NIM1K: variants seen among roughly 807,000 people sequenced by gnomAD.
The protein encoded by NIM1K is serine/threonine-protein kinase NIM1.
A neutral mutation model predicts 37.1 loss-of-function variants in NIM1K; 35 were observed. That is an observed-to-expected ratio of 0.94 (90% CI 0.72 to 1.25). The LOEUF is 1.25. Among genes scored for constraint, NIM1K ranks in the 50% most tolerant of loss-of-function variants. The pLI, the probability that NIM1K is intolerant of heterozygous loss-of-function variation, is 0.00. For missense variants in NIM1K, 564 were observed against 548.0 expected, an observed-to-expected ratio of 1.03 and a Z score of -0.29; for synonymous variants, 234 against 206.6, an observed-to-expected ratio of 1.13 and a Z score of -1.14.
At chr5:43,237,231 G>A (rs1025591715) in intron 1 of NIM1K, among the ~76,000 whole-genome samples, 1 of 152,174 alleles carries the variant, frequency 6.6e-6, no homozygotes, top group East Asian at 1.9e-4. Flanking sequence ...AGAGAACAAA[G>A]GTGAGATGGT....
intron 2 of NIM1K, among the ~76,000 whole-genome samples, chr5:43,250,230 AG>A (rs1752848930): frequency 1.3e-5 from 2 of 150,902 alleles, no homozygotes; most frequent in Admixed American, 1.3e-4. Context: ...CATTAAATAT[AG>A]ATTTTTAAAA....
chr5:43,223,080 A>C (rs1752404163), intron 1 of NIM1K, among the ~76,000 whole-genome samples: 1 of 148,526 alleles, frequency 6.7e-6, no homozygotes. Context: ...CAGAGGTTGC[A>C]GTGAACCGAG....
intron 2 of NIM1K, among the ~76,000 whole-genome samples, chr5:43,261,348 C>T (rs1356243891): frequency 4.6e-5 from 7 of 152,310 alleles, no homozygotes; most frequent in Admixed American, 4.6e-4. Context: ...TTGCATTTCT[C>T]TGATGGCCAG....
chr5:43,276,872 C>T (rs1753349031), intron 2 of NIM1K, among the ~76,000 whole-genome samples, 185 bp from the exon 3 acceptor site: 1 of 152,148 alleles, frequency 6.6e-6, no homozygotes, highest in African/African-American at 2.4e-5. Context: ...GGAAGACTCA[C>T]ACCGATCCAA....
intron 1 of NIM1K, among the ~76,000 whole-genome samples, chr5:43,211,954 C>T (rs1752210517): frequency 6.6e-6 from 1 of 152,164 alleles, no homozygotes; most frequent in African/African-American, 2.4e-5. Context: ...ACACATGCAA[C>T]TCAAAATTCA....
At chr5:43,248,569 T>C (rs1752819240) in intron 2 of NIM1K, among the ~76,000 whole-genome samples, 1 of 151,358 alleles carries the variant, frequency 6.6e-6, no homozygotes, top group Non-Finnish European at 1.5e-5. Flanking sequence ...ATCTGGAGGA[T>C]TGGTGTGTTA....
At chr5:43,264,955 C>T (rs545387251) in intron 2 of NIM1K, among the ~76,000 whole-genome samples, 2 of 152,320 alleles carry the variant, frequency 1.3e-5, no homozygotes, top group East Asian at 1.9e-4. Flanking sequence ...CCCCCACTCT[C>T]TTCTGGCTTG....
At chr5:43,213,425 G>A (rs372170848) in intron 1 of NIM1K, among the ~76,000 whole-genome samples, 12 of 151,562 alleles carry the variant, frequency 7.9e-5, no homozygotes, top group African/African-American at 2.9e-4. Flanking sequence ...CACCTCCCAG[G>A]TTCAAGTGAT....
chr5:43,275,108 T>C (rs935237080), intron 2 of NIM1K, among the ~76,000 whole-genome samples: 2 of 152,340 alleles, frequency 1.3e-5, no homozygotes, highest in Middle Eastern at 3.4e-3. Context: ...AAAACTAAAT[T>C]GAAAGGAAAA....
chr5:43,272,156 A>C (rs942478617), intron 2 of NIM1K, among the ~76,000 whole-genome samples: 1 of 152,216 alleles, frequency 6.6e-6, no homozygotes, highest in African/African-American at 2.4e-5. Context: ...CTTTATTGAC[A>C]AAGGAAGCCA....
chr5:43,203,745 G>T (rs920067946), intron 1 of NIM1K, among the ~76,000 whole-genome samples: 10 of 152,132 alleles, frequency 6.6e-5, no homozygotes, highest in South Asian at 2.1e-4. Context: ...CCCTCCTTTG[G>T]CTGGGCACAG....
intron 1 of NIM1K, among the ~76,000 whole-genome samples, chr5:43,230,235 T>C (rs147361217): frequency 2.6e-4 from 40 of 152,146 alleles, no homozygotes; most frequent in African/African-American, 9.2e-4. Flanking sequence ...GGTGACTGTG[T>C]AGTGATGGGT....
chr5:43,277,400 C>A (rs150884538), intron 3 of NIM1K, 75 bp downstream of exon 3: 1,153 of 1,480,022 alleles, frequency 7.8e-4, no homozygotes, highest in Non-Finnish European at 9.9e-4. Context: ...AGGTTACTAA[C>A]CCTCAAGTGT....
At chr5:43,198,472 C>G (rs947579963) in intron 1 of NIM1K, among the ~76,000 whole-genome samples, 1 of 149,758 alleles carries the variant, frequency 6.7e-6, no homozygotes, top group East Asian at 1.9e-4. Context: ...TGAAAACTGT[C>G]TTTATTTTTA....
intron 3 of NIM1K, 145 bp downstream of exon 3, chr5:43,277,470 G>T: frequency 1.2e-6 from 1 of 848,062 alleles, no homozygotes; most frequent in African/African-American, 1.7e-5. Context: ...CAGAAGTCTG[G>T]CTGGGATCAT....
intron 1 of NIM1K, among the ~76,000 whole-genome samples, chr5:43,212,285 G>A (rs1752216391): frequency 6.6e-6 from 1 of 152,036 alleles, no homozygotes; most frequent in Non-Finnish European, 1.5e-5. Flanking sequence ...TCATTTCTGG[G>A]TTTCTGTTCC....
rs1752639731 is a variant in NIM1K at position 43,237,571 on chromosome 5, TCAA to T, written c.-694-7508_-694-7506del. 2.0e-5 allele frequency among the ~76,000 whole-genome samples: 3 copies of T among 152,344 alleles called. No individual in the cohort carries two copies. The South Asian group carries it at 6.2e-4, about 32-fold the overall frequency. ...ATCACTTCCGTTATTTGCTTAGCTTTCAACATTATGAAGCTTGATGTTTTGGAC... is the reference window on the plus strand; with the variant it reads ...ATCACTTCCGTTATTTGCTTAGCTTTCATTATGAAGCTTGATGTTTTGGAC... On this transcript the variant is annotated intron_variant, in intron 1 of 3. Transcript: ENST00000326035.
intron 1 of NIM1K, among the ~76,000 whole-genome samples, chr5:43,223,379 T>TA: frequency 6.6e-6 from 1 of 152,332 alleles, no homozygotes; most frequent in East Asian, 1.9e-4. Flanking sequence ...TTAATACACA[T>TA]ACAGTATCTA....
intron 1 of NIM1K, among the ~76,000 whole-genome samples, chr5:43,196,621 C>T (rs566802494): frequency 7.0e-4 from 106 of 151,458 alleles, no homozygotes; most frequent in Middle Eastern, 3.4e-3. Context: ...GGCGACAGAG[C>T]GAGACTCTGT....
Sources: gnomAD v4.1 joint callset for allele counts (sites outside exome capture counted in the v4.1 genomes callset) on GRCh38, gnomAD v4.1.1 for gene constraint, MANE v1.5 for transcripts, NCBI Gene and HGNC (gene_info 2026-07-23, HGNC 2026-07-21) for gene names.